PGBD1: variants seen among roughly 807,000 people sequenced by gnomAD.
PGBD1 encodes the protein piggyBac transposable element-derived protein 1.
PGBD1 carries 25 observed loss-of-function variants against 34.7 expected under a neutral mutation model. The observed-to-expected ratio is 0.72, with a 90% confidence interval of 0.52 to 1.00. The LOEUF is 1.00. Ranked by LOEUF, PGBD1 falls within the 50% of genes least tolerant of loss-of-function variation. The pLI, the probability that PGBD1 is intolerant of heterozygous loss-of-function variation, is 0.00. For synonymous variants in PGBD1, 292 were observed against 335.7 expected, an observed-to-expected ratio of 0.87 and a Z score of 1.42; for missense variants, 830 against 959.4, an observed-to-expected ratio of 0.87 and a Z score of 1.78.
Position 28,283,932 on chromosome 6 carries a change from A to T in PGBD1, c.119A>T (p.Gln40Leu), listed in dbSNP as rs373121440. ...TCACAGGAGGGCAGCTCCCACACTC[A>T]GGAGATTTGCCGCCTGCGCTTTCGG... ...CNSQEGSSHTQEICRLRFRHF... is the reference protein window; with the variant it reads ...CNSQEGSSHTLEICRLRFRHF... The change falls in exon 2 of 7, where the codon CAG becomes CTG. Residue 40 changes from glutamine to leucine, a missense_variant. By Grantham distance (113) the Gln-to-Leu change is moderately radical. Coordinates refer to ENST00000682144, the MANE Select transcript of PGBD1 (RefSeq NM_032507.4). The T allele has an allele frequency of 1.2e-6, 2 of 1,614,204 alleles. No homozygotes were observed. Among genetic ancestry groups the T allele is most frequent in the Non-Finnish European group, 1.7e-6 (2 of 1,180,018 alleles).
chr6:28,297,469 T>G (rs984396206), intron 5 of PGBD1, among the ~76,000 whole-genome samples: 1 of 152,208 alleles, frequency 6.6e-6, no homozygotes, highest in Non-Finnish European at 1.5e-5. Flanking sequence ...CTCAAACTCC[T>G]GGGCTCAACT....
At chr6:28,297,845 T>TAAAAAAAAAAAAAA in intron 5 of PGBD1, 50 bp from the exon 6 acceptor site, 4 of 283,630 alleles carry the variant, frequency 1.4e-5, no homozygotes, top group African/African-American at 3.5e-5. Context: ...TTTTTTTTTT[T>TAAAAAAAAAAAAAA]CAAAATTCAC....
chr6:28,284,618 A>C (rs1418724620), intron 2 of PGBD1, among the ~76,000 whole-genome samples: 1 of 152,168 alleles, frequency 6.6e-6, no homozygotes, highest in Non-Finnish European at 1.5e-5. Flanking sequence ...AGGCTCAAGC[A>C]ATCCTCCCAC....
intron 1 of PGBD1, among the ~76,000 whole-genome samples, chr6:28,283,481 A>G (rs1380246036): frequency 2.0e-5 from 3 of 152,154 alleles, no homozygotes; most frequent in Non-Finnish European, 4.4e-5. Context: ...TGCCTCCTCA[A>G]TGGGTAAATT....
At chr6:28,291,824 TCA>T (rs1009792184) in intron 4 of PGBD1, among the ~76,000 whole-genome samples, 2 of 152,262 alleles carry the variant, frequency 1.3e-5, no homozygotes, top group Non-Finnish European at 1.5e-5. Context: ...ATGTGATATA[TCA>T]CATTAATATA....
In PGBD1 at chr6:28,289,183, G is replaced by A. The variant is rs574172245; in HGVS notation, c.642+2015G>A. ...CTCTCAACTGTCCAGGAAAAAGAGA[G>A]GATCTGAAAAGCAGCAAGAGACAAG... On this transcript the variant is annotated intron_variant, in intron 4 of 6. Transcript: ENST00000682144. Among the ~76,000 whole-genome samples, 6 of 152,166 alleles carry A rather than the reference G, an allele frequency of 3.9e-5. No individual in the cohort carries two copies. In the South Asian group the frequency reaches 1.2e-3, roughly 32 times the overall value.
In PGBD1 at chr6:28,287,110, A is replaced by G; in HGVS notation, c.584A>G (p.Gln195Arg). 1 of 1,614,086 alleles carries G rather than the reference A, an allele frequency of 6.2e-7. No homozygotes were observed. The highest frequency in any genetic ancestry group is 8.5e-7 in the Non-Finnish European group (1 of 1,179,978). The change falls in exon 4 of 7, where the codon CAG becomes CGG. Residue 195 changes from glutamine (Q) to arginine (R), a missense_variant. By Grantham distance (43) the Gln-to-Arg change is conservative. Around this residue, in one of 3 missense-constraint regions of PGBD1, gnomAD observed 457 missense variants for 515.4 expected, o/e 0.89. Coordinates refer to ENST00000682144, the MANE Select transcript of PGBD1 (RefSeq NM_032507.4). ...GTTCCCCACGGATCAGCTCATCTCC[A>G]GGAAAAAAACCCCAGAGACAAGGCT... ...GPVPHGSAHLQEKNPRDKAVV... is the reference protein window; with the variant it reads ...GPVPHGSAHLREKNPRDKAVV...
chr6:28,300,857 G>GC lies in PGBD1; in HGVS notation c.1004dup (p.Gly336ArgfsTer17), dbSNP rs1561892420. Reference sequence around the variant, plus strand: ...GCACATCTCATCCCTGGAATATGCTGCAGGAGACATTACCCGAAAAGGGAG... The same window carrying GC: ...GCACATCTCATCCCTGGAATATGCTGCCAGGAGACATTACCCGAAAAGGGAG... On this transcript the variant is annotated frameshift_variant, in exon 7 of 7. Transcript: ENST00000682144. LOFTEE classifies it low-confidence loss of function (END_TRUNC). This position sits in a 1 kb window ranked among gnomAD's most constrained non-coding sequence, Gnocchi z 4.0. 1.2e-6 allele frequency: 2 copies of GC among 1,613,948 alleles called. No individual in the cohort carries two copies. The highest frequency in any genetic ancestry group is 1.7e-6 in the Non-Finnish European group (2 of 1,180,022).
At chr6:28,288,695 A>T (rs73385810) in intron 4 of PGBD1, among the ~76,000 whole-genome samples, 5,696 of 151,476 alleles carry the variant, frequency 0.038, 268 homozygotes, top group African/African-American at 0.11. Context: ...GTATCTATTT[A>T]AAAAAAAAGA....
At chr6:28,296,159 T>A (rs2113754125) in intron 4 of PGBD1, among the ~76,000 whole-genome samples, 1 of 152,348 alleles carries the variant, frequency 6.6e-6, no homozygotes, top group Non-Finnish European at 1.5e-5. Context: ...TACATATCAT[T>A]ACTAGCTTTG....
At chr6:28,284,427 C>T (rs1227583899) in intron 2 of PGBD1, among the ~76,000 whole-genome samples, 1 of 151,956 alleles carries the variant, frequency 6.6e-6, no homozygotes, top group African/African-American at 2.4e-5. Flanking sequence ...TGCATTCCCC[C>T]CCCCCAAGAT....
Position 28,302,435 on chromosome 6 carries a change from A to C in PGBD1, c.*151A>C. 1.2e-6 allele frequency: 1 copy of C among 810,842 alleles called. No homozygotes were observed. The highest frequency in any genetic ancestry group is 1.8e-6 in the Non-Finnish European group (1 of 546,858). The allele number at this position is 810,842 out of a possible 1,614,324, so 50.2% of individuals were successfully genotyped here. A position where few individuals can be genotyped will look rare whatever the true frequency, so the allele number is the denominator to read the frequency against. ...AATCAGACATTTATATAGAGTTTCA[A>C]AGACTATTGTAACAAGTAATGTTAA... On this transcript the variant is annotated 3_prime_UTR_variant, in exon 7 of 7. Transcript: ENST00000682144.
At chr6:28,291,027 A>G (rs1284155199) in intron 4 of PGBD1, among the ~76,000 whole-genome samples, 1 of 151,830 alleles carries the variant, frequency 6.6e-6, no homozygotes, top group Non-Finnish European at 1.5e-5. Context: ...CAACCTAATG[A>G]TACACCTCAA....
In PGBD1 at chr6:28,283,913, G is replaced by T; in HGVS notation, c.100G>T (p.Glu34Ter). 1 of 1,614,186 alleles carries T rather than the reference G, an allele frequency of 6.2e-7. No homozygotes were observed. Among genetic ancestry groups the T allele is most frequent in the Non-Finnish European group, 8.5e-7 (1 of 1,179,996 alleles). ...CTGGGAGCAGGTGTGCAACTCACAGGAGGGCAGCTCCCACACTCAGGAGAT... is the reference window on the plus strand; with the variant it reads ...CTGGGAGCAGGTGTGCAACTCACAGTAGGGCAGCTCCCACACTCAGGAGAT... ...PTWEQVCNSQEGSSHTQEICR... is the reference protein window; with the variant it reads ...PTWEQVCNSQ The change falls in exon 2 of 7, where the codon GAG becomes TAG. Residue 34 changes from glutamate (E) to a stop codon, truncating the protein, a stop_gained. Transcript: ENST00000682144. LOFTEE classifies it high-confidence loss of function.
Position 28,300,762 on chromosome 6 carries a change from C to G in PGBD1, c.908C>G (p.Ala303Gly). Residue 303 changes from alanine (A) to glycine (G), a missense_variant, in exon 7 of 7, where the codon GCT becomes GGT. Transcript: ENST00000682144. This position sits in a 1 kb window ranked among gnomAD's most constrained non-coding sequence, Gnocchi z 4.0. ...CAGATTCCTTGTAGTACTCCTATTG[C>G]TACTGAAAGGACAGTTGCACATTTG... The part of the protein sequence containing the change: ...APQIPCSTPI[A>G]TERTVAHLNT... 6.2e-7 allele frequency: 1 copy of G among 1,613,884 alleles called. No individual in the cohort carries two copies. Among genetic ancestry groups the G allele is most frequent in the Non-Finnish European group, 8.5e-7 (1 of 1,179,960 alleles).
Position 28,284,163 on chromosome 6 carries a change from C to T in PGBD1, c.350C>T (p.Thr117Ile), listed in dbSNP as rs772283123. ...CTGGAGAGTGGAGAGGAGGCAGTGA[C>T]AGTGCTGGAGAATCTAGAGACAGGA... ...YPLESGEEAV[T>I]VLENLETGSG... Residue 117 changes from threonine (T) to isoleucine (I), a missense_variant, in exon 2 of 7, where the codon ACA becomes ATA. Transcript: ENST00000682144. 6.3e-7 allele frequency: 1 copy of T among 1,594,954 alleles called. No homozygotes were observed. Among genetic ancestry groups the T allele is most frequent in the Admixed American group, 1.7e-5 (1 of 58,286 alleles).
intron 4 of PGBD1, among the ~76,000 whole-genome samples, chr6:28,290,738 A>G (rs1005449166): frequency 3.3e-5 from 5 of 152,212 alleles, no homozygotes; most frequent in South Asian, 2.1e-4. Flanking sequence ...AATATAAATC[A>G]TATCAAGTAT....
Position 28,284,170 on chromosome 6 carries a change from G to A in PGBD1, c.357G>A (p.Leu119=). 6.3e-7 allele frequency: 1 copy of A among 1,582,364 alleles called. No homozygotes were observed. Among genetic ancestry groups the A allele is most frequent in the Non-Finnish European group, 8.6e-7 (1 of 1,162,434 alleles). The change falls in exon 2 of 7, where the codon CTG becomes CTA. Residue 119 remains leucine, a synonymous_variant. Transcript: ENST00000682144. ...LESGEEAVTV[L]ENLETGSGDT... is the part of the protein sequence containing the mutation. The stretch of plus-strand genomic sequence containing the variant: ...GTGGAGAGGAGGCAGTGACAGTGCT[G>A]GAGAATCTAGAGACAGGAAGTGGAG...
rs1762309129 is a variant in PGBD1 at position 28,287,088 on chromosome 6, C to T, written c.562C>T (p.Pro188Ser). The T allele has an allele frequency of 6.2e-7, 1 of 1,613,730 alleles. No individual in the cohort carries two copies. The highest frequency in any genetic ancestry group is 8.5e-7 in the Non-Finnish European group (1 of 1,179,698). ...GNPQEVSGPV[P>S]HGSAHLQEKN... Reference sequence around the variant, plus strand: ...GCCCTCTCTCTCTGCAGGGCCTGTTCCCCACGGATCAGCTCATCTCCAGGA... The same window carrying T: ...GCCCTCTCTCTCTGCAGGGCCTGTTTCCCACGGATCAGCTCATCTCCAGGA... The change falls in exon 4 of 7, where the codon CCC (proline) becomes TCC (serine). Residue 188 changes from proline to serine, a missense_variant. Pro to Ser is a moderately conservative substitution (Grantham distance 74). Around this residue, in one of 3 missense-constraint regions of PGBD1, gnomAD observed 457 missense variants for 515.4 expected, o/e 0.89. Transcript: ENST00000682144.
Sources: gnomAD v4.1 joint callset for allele counts (sites outside exome capture counted in the v4.1 genomes callset) on GRCh38, gnomAD v4.1.1 for gene constraint, gnomAD v4.1.1 regional missense constraint, Gnocchi (gnomAD v3.1) non-coding constraint, MANE v1.5 for transcripts, NCBI Gene and HGNC (gene_info 2026-07-23, HGNC 2026-07-21) for gene names.